CHDH: variants seen among roughly 807,000 people sequenced by gnomAD.
CHDH encodes choline dehydrogenase, mitochondrial.
Under a neutral mutation model 56.9 loss-of-function variants are expected in CHDH, and 43 were observed. The observed-to-expected ratio is 0.76, with a 90% confidence interval of 0.59 to 0.97. The LOEUF (loss-of-function observed/expected upper bound fraction) is 0.97. Among genes scored for constraint, CHDH ranks in the 50% least tolerant of loss-of-function variants. CHDH has a pLI of 0.00. For missense variants in CHDH, 816 were observed against 821.1 expected, an observed-to-expected ratio of 0.99 and a Z score of 0.08; for synonymous variants, 364 against 348.5, an observed-to-expected ratio of 1.04 and a Z score of -0.50.
At chr3:53,837,745 A>G (rs1698543087) in intron 2 of CHDH, among the ~76,000 whole-genome samples, 1 of 152,002 alleles carries the variant, frequency 6.6e-6, no homozygotes, top group African/African-American at 2.4e-5. Context: ...ACGGTGGTCT[A>G]TACCAAAAGC....
intron 1 of CHDH, among the ~76,000 whole-genome samples, chr3:53,842,001 A>C (rs893441945): frequency 1.3e-5 from 2 of 152,072 alleles, no homozygotes; most frequent in African/African-American, 4.8e-5. Context: ...AAAAAGAAAG[A>C]AAAAATTAGT....
chr3:53,817,896 G>C lies in CHDH; in HGVS notation c.1666C>G (p.Leu556Val). The change falls in exon 9 of 9, where the codon CTG (leucine) becomes GTG (valine). Residue 556 changes from leucine (L) to valine (V), a missense_variant. Physicochemically the swap from Leu to Val is conservative, Grantham distance 32. Coordinates refer to ENST00000315251, the MANE Select transcript of CHDH (RefSeq NM_018397.5). ...SIMPSMVSGN[L>V]NAPTIMIAEK... ...GCGATCATGATTGTGGGGGCGTTCA[G>C]GTTGCCGCTGACCATGCTAGGCATG... The C allele has an allele frequency of 6.2e-7, 1 of 1,614,210 alleles. No homozygotes were observed. Among genetic ancestry groups the C allele is most frequent in the South Asian group, 1.1e-5 (1 of 91,088 alleles).
intron 1 of CHDH, among the ~76,000 whole-genome samples, chr3:53,841,226 G>GAGA (rs964017300): frequency 1.5e-4 from 23 of 152,236 alleles, no homozygotes; most frequent in African/African-American, 5.3e-4. Context: ...TGGAGAGCTT[G>GAGA]AGAAGCACTG....
intron 3 of CHDH, among the ~76,000 whole-genome samples, chr3:53,822,967 T>C (rs2095630700): frequency 6.6e-6 from 1 of 152,092 alleles, no homozygotes; most frequent in Non-Finnish European, 1.5e-5. Context: ...TGTCCTGCTG[T>C]GAGCAAGGCC....
Position 53,824,080 on chromosome 3 carries a change from G to C in CHDH, c.-59-13C>G. ...GACTCACTTCTCCCTAAAACAGGAA[G>C]AGGGGCTTTAAAAATCTTAACTCCG... On this transcript the variant is annotated splice_polypyrimidine_tract_variant and intron_variant, in intron 2 of 8. Transcript: ENST00000315251. 1 of 1,349,988 alleles carries C rather than the reference G, an allele frequency of 7.4e-7. No individual in the cohort carries two copies. Among genetic ancestry groups the C allele is most frequent in the African/African-American group, 1.5e-5 (1 of 65,254 alleles). The allele number at this position is 1,349,988 out of a possible 1,614,324, so 83.6% of individuals were successfully genotyped here. A position where few individuals can be genotyped will look rare whatever the true frequency, so the allele number is the denominator to read the frequency against.
intron 8 of CHDH, among the ~76,000 whole-genome samples, chr3:53,818,459 G>T (rs2095619872): frequency 6.6e-6 from 1 of 152,176 alleles, no homozygotes; most frequent in Non-Finnish European, 1.5e-5. Context: ...TGACTTATCT[G>T]TAGGGCAGGG....
chr3:53,829,040 C>G (rs1042815404), intron 2 of CHDH, among the ~76,000 whole-genome samples: 1 of 152,132 alleles, frequency 6.6e-6, no homozygotes, highest in Non-Finnish European at 1.5e-5. Flanking sequence ...TGTGGTACAT[C>G]CTGACAATGG....
At chr3:53,829,436 A>G (rs1290569941) in intron 2 of CHDH, among the ~76,000 whole-genome samples, 9 of 152,230 alleles carry the variant, frequency 5.9e-5, no homozygotes, top group Admixed American at 5.9e-4. Flanking sequence ...TAATAAATGT[A>G]CCACTTTAGT....
chr3:53,818,288 C>A (rs1017971464), intron 8 of CHDH, 93 bp from the exon 9 acceptor site: 161 of 1,174,940 alleles, frequency 1.4e-4, no homozygotes, highest in Non-Finnish European at 1.7e-4. Flanking sequence ...TGTAAGCTGT[C>A]TGAGGGGATG....
rs1698292751 is a variant in CHDH at position 53,830,246 on chromosome 3, A to T, written c.-59-6179T>A. ...ATTTCAAAATGTATGTGGAAATATA[A>T]AGGACATAGAAAAAGGTATAGTTCA... On this transcript the variant is annotated intron_variant, in intron 2 of 8. Transcript: ENST00000315251. Among the ~76,000 whole-genome samples the T allele has an allele frequency of 2.0e-5, 3 of 152,074 alleles. No homozygotes were observed. In the South Asian group the frequency reaches 6.2e-4, roughly 32 times the overall value.
intron 5 of CHDH, among the ~76,000 whole-genome samples, chr3:53,821,027 C>T (rs1168743935): frequency 4.6e-5 from 7 of 152,238 alleles, no homozygotes; most frequent in Non-Finnish European, 7.3e-5. Flanking sequence ...TCGTGCTACA[C>T]CGTCCTTGCA....
intron 8 of CHDH, 84 bp from the exon 9 acceptor site, chr3:53,818,279 G>A (rs2095619502): frequency 7.9e-7 from 1 of 1,263,958 alleles, no homozygotes; most frequent in Non-Finnish European, 1.1e-6. Flanking sequence ...GAGAGGCTCT[G>A]TAAGCTGTCT....
chr3:53,824,337 G>A (rs1180563934), intron 2 of CHDH, among the ~76,000 whole-genome samples: 2 of 152,256 alleles, frequency 1.3e-5, no homozygotes, highest in Non-Finnish European at 2.9e-5. Context: ...TGAACCTGGA[G>A]ACTGGGCTGG....
intron 2 of CHDH, among the ~76,000 whole-genome samples, chr3:53,840,635 C>T (rs897789011): frequency 6.6e-6 from 1 of 152,102 alleles, no homozygotes; most frequent in Non-Finnish European, 1.5e-5. Context: ...GTGAAGAGAA[C>T]ACAAAATTCC....
Position 53,821,647 on chromosome 3 carries a change from C to T in CHDH, c.985G>A (p.Gly329Arg), listed in dbSNP as rs140594688. 6.2e-7 allele frequency: 1 copy of T among 1,613,484 alleles called. No individual in the cohort carries two copies. The highest frequency in any genetic ancestry group is 8.5e-7 in the Non-Finnish European group (1 of 1,179,516). ...GGGAGCAGTAAAGAAGGGGACTCAC[C>T]AGGTAGGTGGCACACCACAGGGATG... ...LGIPVVCHLPGVGQNLQDHLE... is the reference protein window; with the variant it reads ...LGIPVVCHLPRVGQNLQDHLE... The change falls in exon 5 of 9, where the codon GGG (glycine) becomes AGG (arginine). Residue 329 changes from glycine to arginine, a missense_variant and splice_region_variant. By Grantham distance (125) the Gly-to-Arg change is moderately radical. Coordinates refer to ENST00000315251, the MANE Select transcript of CHDH (RefSeq NM_018397.5).
chr3:53,835,880 G>T (rs1698477241), intron 2 of CHDH, among the ~76,000 whole-genome samples: 1 of 152,138 alleles, frequency 6.6e-6, no homozygotes, highest in Non-Finnish European at 1.5e-5. Context: ...AGCCTGAAGA[G>T]GTCGAGCCCC....
intron 2 of CHDH, among the ~76,000 whole-genome samples, chr3:53,832,891 T>G (rs1389287729): frequency 6.6e-6 from 1 of 152,226 alleles, no homozygotes; most frequent in Non-Finnish European, 1.5e-5. Context: ...TGAATATACT[T>G]AATGCCACTG....
intron 2 of CHDH, among the ~76,000 whole-genome samples, chr3:53,833,282 A>G (rs999689299): frequency 6.6e-6 from 1 of 152,170 alleles, no homozygotes; most frequent in Admixed American, 6.5e-5. Context: ...CCGGGTCCCA[A>G]TCATTTGAAA....
chr3:53,838,223 G>A (rs1485896585), intron 2 of CHDH, among the ~76,000 whole-genome samples: 1 of 152,208 alleles, frequency 6.6e-6, no homozygotes, highest in East Asian at 1.9e-4. Context: ...GATCCAGTCT[G>A]TGCAGGTGCT....
Sources: gnomAD v4.1 joint callset for allele counts (sites outside exome capture counted in the v4.1 genomes callset) on GRCh38, gnomAD v4.1.1 for gene constraint, MANE v1.5 for transcripts, NCBI Gene and HGNC (gene_info 2026-07-23, HGNC 2026-07-21) for gene names.